ZNF85: variants seen among roughly 807,000 people sequenced by gnomAD.
ZNF85 encodes the protein zinc finger protein 85 (HPF4, HTF1).
In ZNF85, 50 loss-of-function variants were observed where a neutral mutation model predicts 53.9. The observed-to-expected ratio is 0.93, with a 90% CI of 0.74 to 1.17. The LOEUF is 1.17. Among genes scored for constraint, ZNF85 ranks in the 50% most tolerant of loss-of-function variants. The pLI, the probability that ZNF85 is intolerant of heterozygous loss-of-function variation, is 0.00. For missense variants in ZNF85, 747 were observed against 688.5 expected (o/e 1.08, Z -0.95); for synonymous variants, 225 against 226.1 (o/e 1.00, Z 0.04).
At chr19:20,947,377 G>A (rs10454113) in intron 3 of ZNF85, among the ~76,000 whole-genome samples, 17,100 of 150,428 alleles carry the variant, frequency 0.11, 999 homozygotes, top group Middle Eastern at 0.13. Flanking sequence ...TTTTGGATAT[G>A]TGCATATCTT....
At chr19:20,944,381 G>A (rs1654647266) in intron 3 of ZNF85, 1 of 151,458 alleles carries the variant, frequency 6.6e-6, no homozygotes, top group African/African-American at 2.4e-5. Flanking sequence ...GTTTTTGTAG[G>A]ACTGTGGTAG....
intron 3 of ZNF85, among the ~76,000 whole-genome samples, chr19:20,939,263 T>C (rs944530849): frequency 6.6e-6 from 1 of 152,170 alleles, no homozygotes; most frequent in Non-Finnish European, 1.5e-5. Context: ...GCTTGTTTTT[T>C]GTTTTGTTTT....
chr19:20,944,074 A>G lies in ZNF85; in HGVS notation c.230-4670A>G, dbSNP rs915461796. On this transcript the variant is annotated intron_variant, in intron 3 of 3. Coordinates refer to ENST00000328178, the MANE Select transcript of ZNF85 (RefSeq NM_003429.5). ...TTAACAGATTTATATTTTGTTTTTC[A>G]TATTCTATAGAGGAAATTTAAGAGT... The G allele has an allele frequency of 2.2e-5, 6 of 277,026 alleles. No individual in the cohort carries two copies. The Admixed American group carries it at 3.2e-4, about 15-fold the overall frequency. 17.2% of individuals were successfully genotyped at this position (277,026 alleles called of 1,614,324 possible). A position where few individuals can be genotyped will look rare whatever the true frequency, so the allele number is the denominator to read the frequency against.
At chr19:20,936,448 C>G (rs1973160523) in intron 3 of ZNF85, 1 of 151,524 alleles carries the variant, frequency 6.6e-6, no homozygotes, top group South Asian at 2.1e-4. Context: ...AAAGAGTACA[C>G]TCGCCAGCAG....
At chr19:20,948,367 T>G (rs1323170859) in intron 3 of ZNF85, among the ~76,000 whole-genome samples, 3 of 151,980 alleles carry the variant, frequency 2.0e-5, no homozygotes, top group Admixed American at 1.3e-4. Flanking sequence ...AATAAAAATG[T>G]TTTTTGCCGC....
intron 1 of ZNF85, among the ~76,000 whole-genome samples, chr19:20,925,613 T>A (rs1270205149): frequency 6.6e-6 from 1 of 151,778 alleles, no homozygotes; most frequent in East Asian, 1.9e-4. Context: ...GTCACCCCAG[T>A]GAGATGGTGC....
rs781728374 is a variant in ZNF85, at chr19:20,934,161, C to T, written c.130+11C>T. 9.3e-6 allele frequency: 15 copies of T among 1,606,376 alleles called. No individual in the cohort carries two copies. Among genetic ancestry groups the T allele is most frequent in the Non-Finnish European group, 1.2e-5 (14 of 1,176,996 alleles). On this transcript the variant is annotated intron_variant, in intron 2 of 3. Coordinates refer to ENST00000328178, the MANE Select transcript of ZNF85 (RefSeq NM_003429.5). ...ACCTGGTCTTCCTGGGTGAGGATAA[C>T]TTCAATACACAATTTCTAATATGCC...
At position 20,946,570 on chromosome 19, in the gene ZNF85, G is replaced by GCACACACACACACA. The variant is rs74172383; in HGVS notation, c.230-2164_230-2151dup. 2.9e-3 allele frequency among the ~76,000 whole-genome samples: 416 copies of GCACACACACACACA among 145,156 alleles called. 2 individuals carry two copies. Among genetic ancestry groups the GCACACACACACACA allele is most frequent in the African/African-American group, 9.3e-3 (370 of 39,946 alleles). ...GAACCTTAATGTGAGATATACACATGCACACACACACACACACACACACCC... is the reference window on the plus strand; with the variant it reads ...GAACCTTAATGTGAGATATACACATGCACACACACACACACACACACACACACACACACACACCC... On this transcript the variant is annotated intron_variant, in intron 3 of 3. Coordinates refer to ENST00000328178, the MANE Select transcript of ZNF85 (RefSeq NM_003429.5).
intron 3 of ZNF85, chr19:20,945,776 C>T (rs567483854): frequency 1.4e-4 from 21 of 152,378 alleles, no homozygotes; most frequent in Non-Finnish European, 2.2e-4. Context: ...TGAGCCACCG[C>T]ACCCAGCCTA....
intron 3 of ZNF85, chr19:20,945,407 G>A (rs1973395646): frequency 6.6e-6 from 1 of 152,082 alleles, no homozygotes; most frequent in Non-Finnish European, 1.5e-5. Context: ...TTGGCATAAT[G>A]TCATCAAAAC....
intron 1 of ZNF85, among the ~76,000 whole-genome samples, chr19:20,930,232 A>G (rs1262861828): frequency 2.0e-5 from 3 of 152,150 alleles, no homozygotes; most frequent in Admixed American, 6.5e-5. Context: ...TAAATGGTAA[A>G]AATAAAGTAT....
intron 1 of ZNF85, among the ~76,000 whole-genome samples, chr19:20,931,059 G>A (rs1434185645): frequency 6.6e-6 from 1 of 152,088 alleles, no homozygotes; most frequent in African/African-American, 2.4e-5. Flanking sequence ...ACATGCATGA[G>A]CCACTGCGCC....
rs1973333975 is a variant in ZNF85 at position 20,942,979 on chromosome 19, T to C, written c.230-5765T>C. ...TTTGTAGAGACAGAGTCTCACTTTG[T>C]TGCCCAGTCTAGTCTCAAACTTCTG... On this transcript the variant is annotated intron_variant, in intron 3 of 3. Coordinates refer to ENST00000328178, the MANE Select transcript of ZNF85 (RefSeq NM_003429.5). The C allele has an allele frequency of 2.1e-5, 11 of 525,520 alleles. No homozygotes were observed. In the South Asian group the frequency reaches 2.7e-4, roughly 13 times the overall value. 32.6% of individuals were successfully genotyped at this position (525,520 alleles called of 1,614,324 possible).
At chr19:20,923,801 G>T (rs188326218) in intron 1 of ZNF85, among the ~76,000 whole-genome samples, 1 of 152,276 alleles carries the variant, frequency 6.6e-6, no homozygotes, top group Non-Finnish European at 1.5e-5. Context: ...TGTATGGGGG[G>T]ACGGGCGTGG....
Position 20,949,476 on chromosome 19 carries a change from A to G in ZNF85, c.962A>G (p.Lys321Arg), listed in dbSNP as rs760083534. 6 of 1,613,534 alleles carry G rather than the reference A, an allele frequency of 3.7e-6. No homozygotes were observed. Among genetic ancestry groups the G allele is most frequent in the Non-Finnish European group, 1.7e-6 (2 of 1,179,818 alleles). Reference sequence around the variant, plus strand: ...CCTTACAAATGTGAAGAATGTGGCAAAGCCTTTAAGCAGTCCTCAAACCTT... The same window carrying G: ...CCTTACAAATGTGAAGAATGTGGCAGAGCCTTTAAGCAGTCCTCAAACCTT... ...EKPYKCEECGKAFKQSSNLTT... is the reference protein window; with the variant it reads ...EKPYKCEECGRAFKQSSNLTT... Residue 321 changes from lysine to arginine, a missense_variant, in exon 4 of 4, where the codon AAA (lysine) becomes AGA (arginine). Transcript: ENST00000328178.
rs760568028 is a variant in ZNF85 at position 20,934,924 on chromosome 19, A to G, written c.131-25A>G. On this transcript the variant is annotated intron_variant, in intron 2 of 3. Coordinates refer to ENST00000328178, the MANE Select transcript of ZNF85 (RefSeq NM_003429.5). Reference sequence around the variant, plus strand: ...TCATTAGAGAATATGAGCAAGATTTATATTATTTATTTTTAATAAAACAGG... The same window carrying G: ...TCATTAGAGAATATGAGCAAGATTTGTATTATTTATTTTTAATAAAACAGG... 2.4e-5 allele frequency: 37 copies of G among 1,528,440 alleles called. No individual in the cohort carries two copies. The East Asian group carries it at 7.7e-4, about 32-fold the overall frequency. 94.7% of individuals were successfully genotyped at this position (1,528,440 alleles called of 1,614,324 possible). A position where few individuals can be genotyped will look rare whatever the true frequency, so the allele number is the denominator to read the frequency against.
chr19:20,932,386 AT>A (rs34346930), intron 1 of ZNF85, among the ~76,000 whole-genome samples: 4,268 of 152,000 alleles, frequency 0.028, 96 homozygotes, highest in Non-Finnish European at 0.04. Flanking sequence ...TCTGAAAAGT[AT>A]TTTTTTTCTA....
rs1478811352 is a variant in ZNF85 at position 20,950,345 on chromosome 19, C to T, written c.*43C>T. ...TAATCAATTTACAAGTCTTACTAAA[C>T]ATAAGAAAATTTATACTGGAGAGAA... On this transcript the variant is annotated 3_prime_UTR_variant, in exon 4 of 4. Coordinates refer to ENST00000328178, the MANE Select transcript of ZNF85 (RefSeq NM_003429.5). 7.2e-7 allele frequency: 1 copy of T among 1,384,410 alleles called. No homozygotes were observed. The highest frequency in any genetic ancestry group is 2.5e-5 in the Admixed American group (1 of 40,004). The allele number at this position is 1,384,410 out of a possible 1,614,324, so 85.8% of individuals were successfully genotyped here. A position where few individuals can be genotyped will look rare whatever the true frequency, so the allele number is the denominator to read the frequency against.
chr19:20,939,898 T>C (rs901136226), intron 3 of ZNF85, among the ~76,000 whole-genome samples: 1 of 151,708 alleles, frequency 6.6e-6, no homozygotes, highest in East Asian at 2.0e-4. Flanking sequence ...GGTTTCTCCA[T>C]GTTGGTAAGG....
Sources: gnomAD v4.1 joint callset for allele counts (sites outside exome capture counted in the v4.1 genomes callset) on GRCh38, gnomAD v4.1.1 for gene constraint, MANE v1.5 for transcripts, NCBI Gene and HGNC (gene_info 2026-07-23, HGNC 2026-07-21) for gene names.